AOPEP: variants seen among roughly 807,000 people sequenced by gnomAD.
AOPEP encodes aminopeptidase O.
AOPEP carries 77 observed loss-of-function variants against 98.1 expected under a neutral mutation model. The observed-to-expected ratio is 0.78, with a 90% CI of 0.65 to 0.95. The LOEUF (loss-of-function observed/expected upper bound fraction) is 0.95. Among genes scored for constraint, AOPEP ranks in the 40% least tolerant of loss-of-function variants. AOPEP has a pLI of 0.00. For synonymous variants in AOPEP, 346 were observed against 365.3 expected (o/e 0.95, Z 0.60); for missense variants, 1,024 against 1,024.7 (o/e 1.00, Z 0.01).
intron 14 of AOPEP, among the ~76,000 whole-genome samples, chr9:95,073,720 G>A (rs940226371): frequency 3.0e-4 from 45 of 152,266 alleles, no homozygotes; most frequent in Non-Finnish European, 5.0e-4. Flanking sequence ...TTAGCCAGGC[G>A]TGGTGGCACA....
At chr9:95,059,027 C>A (rs1476217753) in intron 13 of AOPEP, among the ~76,000 whole-genome samples, 2 of 152,236 alleles carry the variant, frequency 1.3e-5, no homozygotes, top group Non-Finnish European at 2.9e-5. Context: ...GGTGAGGAGG[C>A]CTACCAGAGG....
intron 13 of AOPEP, among the ~76,000 whole-genome samples, chr9:95,032,423 T>C (rs1172768860): frequency 6.6e-6 from 1 of 152,260 alleles, no homozygotes; most frequent in African/African-American, 2.4e-5. Context: ...CTTTCAGATA[T>C]GTTATCTGTT....
intron 3 of AOPEP, among the ~76,000 whole-genome samples, chr9:94,779,829 C>T (rs1426859792): frequency 1.3e-5 from 2 of 152,108 alleles, no homozygotes; most frequent in African/African-American, 2.4e-5. Context: ...TCCAGTTCTC[C>T]ACCACTTGTC....
chr9:94,826,517 GT>G (rs1449996953), intron 5 of AOPEP, among the ~76,000 whole-genome samples: 3 of 152,220 alleles, frequency 2.0e-5, no homozygotes, highest in African/African-American at 7.2e-5. Context: ...GGTGGCATTT[GT>G]TGCAGTAAGT....
intron 4 of AOPEP, among the ~76,000 whole-genome samples, chr9:94,799,876 T>A (rs1053220505): frequency 3.2e-4 from 47 of 149,068 alleles, no homozygotes; most frequent in African/African-American, 1.0e-3. Context: ...AAAAAAAAAA[T>A]AATGAAATAA....
At chr9:94,823,684 T>C (rs1853792955) in intron 5 of AOPEP, among the ~76,000 whole-genome samples, 1 of 148,536 alleles carries the variant, frequency 6.7e-6, no homozygotes, top group Non-Finnish European at 1.5e-5. Context: ...TTGAGCAAGC[T>C]GTCTGGGAGC....
chr9:95,114,697 TC>T, the AOPEP span: 1 of 1,614,090 alleles, frequency 6.2e-7, no homozygotes, highest in Non-Finnish European at 8.5e-7. Flanking sequence ...GGAGCCAGTG[TC>T]CCCGAGGGAT....
chr9:95,096,103 G>A, the AOPEP span, among the ~76,000 whole-genome samples: 9 of 152,264 alleles, frequency 5.9e-5, no homozygotes, highest in Admixed American at 3.9e-4. Flanking sequence ...ATCCCAGAAC[G>A]AGCCATGCTC....
At position 94,768,406 on chromosome 9, in the gene AOPEP, C is replaced by T. The variant is rs184173899; in HGVS notation, c.798-4596C>T. On this transcript the variant is annotated intron_variant, in intron 2 of 16. Transcript: ENST00000375315. ...AAAGACAAATGCGTATAGCAGTCAA[C>T]GGAAGAAAAAGAAAATATATGGTTT... 1.9e-4 allele frequency among the ~76,000 whole-genome samples: 29 copies of T among 152,256 alleles called. No homozygotes were observed. In the East Asian group the frequency reaches 4.8e-3, roughly 25 times the overall value.
rs554193481 is a variant in AOPEP, at chr9:94,800,420, G to A, written c.1119-337G>A. On this transcript the variant is annotated intron_variant, in intron 4 of 16. Transcript: ENST00000375315. Reference sequence around the variant, plus strand: ...TGGTGATACTTGAAAACATCTAACCGAGGGCAGGAATTGTTTGTATTTTGG... The same window carrying A: ...TGGTGATACTTGAAAACATCTAACCAAGGGCAGGAATTGTTTGTATTTTGG... Among the ~76,000 whole-genome samples, 7 of 152,212 alleles carry A rather than the reference G, an allele frequency of 4.6e-5. No individual in the cohort carries two copies. In the South Asian group the frequency reaches 8.3e-4, roughly 18 times the overall value.
At chr9:94,998,711 G>A (rs1281245362) in intron 11 of AOPEP, among the ~76,000 whole-genome samples, 5 of 152,196 alleles carry the variant, frequency 3.3e-5, no homozygotes, top group South Asian at 2.1e-4. Context: ...TGAGGACAGG[G>A]ACAACGTCTT....
the AOPEP span, among the ~76,000 whole-genome samples, chr9:95,121,478 T>C: frequency 6.6e-6 from 1 of 152,242 alleles, no homozygotes; most frequent in African/African-American, 2.4e-5. Flanking sequence ...GCAGGATCTA[T>C]GAAAGTTGAA....
chr9:94,766,626 G>A (rs1466847256), intron 2 of AOPEP, among the ~76,000 whole-genome samples: 1 of 152,214 alleles, frequency 6.6e-6, no homozygotes, highest in Non-Finnish European at 1.5e-5. Flanking sequence ...AAGCAGTCAA[G>A]TGGTTTAGGA....
chr9:95,089,257 T>C (rs1465491491), downstream of AOPEP, among the ~76,000 whole-genome samples: 4 of 152,156 alleles, frequency 2.6e-5, no homozygotes, highest in African/African-American at 9.7e-5. Context: ...ACCAGTACTC[T>C]TCCATTTTTA....
intron 5 of AOPEP, among the ~76,000 whole-genome samples, chr9:94,862,373 C>T (rs1213476930): frequency 4.9e-5 from 2 of 40,412 alleles, no homozygotes; most frequent in Non-Finnish European, 2.6e-4. Flanking sequence ...ATTGATCTCT[C>T]AGATGTGGGG....
the AOPEP span, among the ~76,000 whole-genome samples, chr9:95,128,395 C>A: frequency 1.3e-5 from 2 of 152,148 alleles, no homozygotes; most frequent in Non-Finnish European, 1.5e-5. Flanking sequence ...CTTGGAAATG[C>A]GTTGATAGAA....
chr9:94,727,625 T>C (rs1033661203), intron 1 of AOPEP, among the ~76,000 whole-genome samples: 60 of 152,388 alleles, frequency 3.9e-4, no homozygotes, highest in Admixed American at 3.0e-3. Flanking sequence ...AGCAGAATTC[T>C]GAAATCCTTG....
chr9:95,064,929 G>A (rs1426190006), intron 14 of AOPEP, among the ~76,000 whole-genome samples: 1 of 152,220 alleles, frequency 6.6e-6, no homozygotes, highest in East Asian at 1.9e-4. Context: ...CATAGTTGTG[G>A]TTCTGTTCGT....
chr9:94,908,666 G>A (rs1459822913), intron 5 of AOPEP, among the ~76,000 whole-genome samples: 1 of 152,154 alleles, frequency 6.6e-6, no homozygotes, highest in Non-Finnish European at 1.5e-5. Context: ...TGCAGAGGTA[G>A]AGAGGGGAAA....
Sources: gnomAD v4.1 joint callset for allele counts (sites outside exome capture counted in the v4.1 genomes callset) on GRCh38, gnomAD v4.1.1 for gene constraint, MANE v1.5 for transcripts, NCBI Gene and HGNC (gene_info 2026-07-23, HGNC 2026-07-21) for gene names.